KIR3DL1: variants seen among roughly 807,000 people sequenced by gnomAD.
KIR3DL1 encodes killer cell immunoglobulin like receptor, three Ig domains and long cytoplasmic tail 1, also known as killer cell immunoglobulin-like receptor 3DL1.
In KIR3DL1, 50 loss-of-function variants were observed where a neutral mutation model predicts 40.3. The ratio of observed to expected loss-of-function variants is 1.24; its 90% CI spans 0.99 to 1.57. KIR3DL1 has a LOEUF of 1.57. KIR3DL1 is among the 40% of genes most tolerant of loss of function. The pLI is 0.00. For synonymous variants in KIR3DL1, 257 were observed against 207.2 expected (o/e 1.24, Z -2.07); for missense variants, 661 against 559.9 (o/e 1.18, Z -1.82).
rs112685042 is a variant in KIR3DL1 at position 54,830,335 on chromosome 19, G to A, written c.*60G>A. The A allele has an allele frequency of 2.9e-3, 4,225 of 1,472,266 alleles. 407 individuals carry two copies. The African/African-American group carries it at 0.051, about 18-fold the overall frequency. The allele number at this position is 1,472,266 out of a possible 1,614,324, so 91.2% of individuals were successfully genotyped here. On this transcript the variant is annotated 3_prime_UTR_variant, in exon 9 of 9. Transcript: ENST00000391728. Reference sequence around the variant, plus strand: ...GAGACAACAGCCCTGTCTCAAAACCGAGTTGCCAGCTCCCATGTACCAGCA... The same window carrying A: ...GAGACAACAGCCCTGTCTCAAAACCAAGTTGCCAGCTCCCATGTACCAGCA...
intron 6 of KIR3DL1, among the ~76,000 whole-genome samples, chr19:54,826,746 G>T (rs1191698678): frequency 6.6e-6 from 1 of 150,954 alleles, no homozygotes; most frequent in Non-Finnish European, 1.5e-5. Flanking sequence ...TTGGCGGAAG[G>T]ATTTTCCACA....
chr19:54,819,946 G>A lies in KIR3DL1; in HGVS notation c.589G>A (p.Gly197Ser), dbSNP rs374824552. ...CCTTGCAGGGACCTACAGATGCTAC[G>A]GTTCTGTTACTCACACCCCCTATCA... The change falls in exon 4 of 9, where the codon GGT (glycine) becomes AGT (serine). Residue 197 changes from glycine (G) to serine (S), a missense_variant. Physicochemically the swap from Gly to Ser is moderately conservative, Grantham distance 56. This residue lies in a region of KIR3DL1 where 548 missense variants were observed against 413.3 expected (regional missense o/e 1.33). Transcript: ENST00000391728. 5.6e-6 allele frequency: 9 copies of A among 1,611,854 alleles called. No homozygotes were observed. The highest frequency in any genetic ancestry group is 5.4e-5 in the African/African-American group (4 of 74,330).
intron 3 of KIR3DL1, 119 bp downstream of exon 3, chr19:54,818,718 G>A: frequency 2.2e-6 from 3 of 1,342,788 alleles, no homozygotes; most frequent in Admixed American, 4.6e-5. Flanking sequence ...GGTCAAGGGA[G>A]ATTGAATACA....
chr19:54,819,550 G>A lies in KIR3DL1; in HGVS notation c.356-163G>A, dbSNP rs757708246. ...GGGACAGAGAAGAGGGAGGAAGACA[G>A]ATGGAGGCACCTGCACCAGGGGATA... is the stretch of plus-strand genomic sequence containing the variant. On this transcript the variant is annotated intron_variant, in intron 3 of 8. Coordinates refer to ENST00000391728, the Ensembl canonical transcript of KIR3DL1. 3.5e-4 allele frequency among the ~76,000 whole-genome samples: 53 copies of A among 151,384 alleles called. 1 individual carries two copies. Among genetic ancestry groups the A allele is most frequent in the Non-Finnish European group, 6.6e-4 (45 of 67,942 alleles).
Position 54,819,844 on chromosome 19 carries a change from G to A in KIR3DL1, c.487G>A (p.Asp163Asn), listed in dbSNP as rs62124101. ...TCTGCACAAAGAGGGGATCTCTAAG[G>A]ACCCCTCACGCCTCGTTGGACAGAT... Residue 163 changes from aspartate (D) to asparagine (N), a missense_variant, in exon 4 of 9, where the codon GAC (aspartate) becomes AAC (asparagine). Asp to Asn is a conservative substitution (Grantham distance 23). Coordinates refer to ENST00000391728, the Ensembl canonical transcript of KIR3DL1. 10,562 of 1,611,838 alleles carry A rather than the reference G, an allele frequency of 6.6e-3. 175 individuals are homozygous for A. Among genetic ancestry groups the A allele is most frequent in the Non-Finnish European group, 8.1e-3 (9,538 of 1,179,266 alleles).
intron 6 of KIR3DL1, 26 bp from the exon 7 acceptor site, chr19:54,829,335 C>G: frequency 1.4e-6 from 2 of 1,423,620 alleles, no homozygotes; most frequent in Non-Finnish European, 1.9e-6. Flanking sequence ...TGATTAGCTT[C>G]TTACTGGTGT....
intron 7 of KIR3DL1, 73 bp from the exon 8 acceptor site, chr19:54,829,855 G>C: frequency 7.2e-7 from 1 of 1,384,736 alleles, no homozygotes; most frequent in Non-Finnish European, 9.9e-7. Flanking sequence ...CCCCCTGTTT[G>C]TTGGTATCTG....
At chr19:54,821,474 A>G in intron 4 of KIR3DL1, 91 bp from the exon 5 acceptor site, 2 of 1,419,732 alleles carry the variant, frequency 1.4e-6, no homozygotes, top group Non-Finnish European at 9.6e-7. Context: ...GCATTAGGTC[A>G]TAGAGCAGGG....
At chr19:54,824,048 C>T (rs1371466115) in intron 5 of KIR3DL1, among the ~76,000 whole-genome samples, 4 of 151,204 alleles carry the variant, frequency 2.6e-5, no homozygotes, top group African/African-American at 9.8e-5. Flanking sequence ...TGTCGGTTGT[C>T]TCTTCACTTT....
Position 54,820,020 on chromosome 19 carries a change from T to A in KIR3DL1, c.655+8T>A, listed in dbSNP as rs1158503128. 54 of 1,607,440 alleles carry A rather than the reference T, an allele frequency of 3.4e-5. 1 individual carries two copies. Among genetic ancestry groups the A allele is most frequent in the Non-Finnish European group, 4.4e-5 (52 of 1,176,758 alleles). On this transcript the variant is annotated splice_region_variant and intron_variant, in intron 4 of 8. Coordinates refer to ENST00000391728, the Ensembl canonical transcript of KIR3DL1. ...TGGACATCGTGGTCACAGGTGAGAG[T>A]GTCTAGACATTGTTCTCATTGTCAC... is the stretch of plus-strand genomic sequence containing the variant.
intron 6 of KIR3DL1, among the ~76,000 whole-genome samples, chr19:54,828,715 G>A (rs570929855): frequency 6.7e-6 from 1 of 148,666 alleles, no homozygotes; most frequent in African/African-American, 2.5e-5. Flanking sequence ...CCTGATCTCA[G>A]GACTTTGCTG....
In KIR3DL1 at chr19:54,829,987, G is replaced by C. The variant is rs1386142622; in HGVS notation, c.1158+7G>C. On this transcript the variant is annotated splice_region_variant and intron_variant, in intron 8 of 8. Coordinates refer to ENST00000391728, the Ensembl canonical transcript of KIR3DL1. Reference sequence around the variant, plus strand: ...CAGAACAGCCAACAGCGAGGTAGGTGCTCCTCGGCCCAGCCTCGTGGCTAG... The same window carrying C: ...CAGAACAGCCAACAGCGAGGTAGGTCCTCCTCGGCCCAGCCTCGTGGCTAG... The C allele has an allele frequency of 6.5e-7, 1 of 1,528,072 alleles. No homozygotes were observed. The highest frequency in any genetic ancestry group is 8.9e-7 in the Non-Finnish European group (1 of 1,124,922). 94.7% of individuals were successfully genotyped at this position (1,528,072 alleles called of 1,614,324 possible). A position where few individuals can be genotyped will look rare whatever the true frequency, so the allele number is the denominator to read the frequency against.
Position 54,821,879 on chromosome 19 carries a change from T to C in KIR3DL1, c.949+21T>C. 4 of 1,593,340 alleles carry C rather than the reference T, an allele frequency of 2.5e-6. No individual in the cohort carries two copies. The South Asian group carries it at 3.3e-5, about 13-fold the overall frequency. Reference sequence around the variant, plus strand: ...CACAGGTGAGAAAAGCCCATATCTCTCTCATGTCCTATGATCCTAAATCCT... The same window carrying C: ...CACAGGTGAGAAAAGCCCATATCTCCCTCATGTCCTATGATCCTAAATCCT... On this transcript the variant is annotated intron_variant, in intron 5 of 8. Transcript: ENST00000391728.
chr19:54,830,052 C>A lies in KIR3DL1; in HGVS notation c.1159-47C>A. 2 of 1,520,662 alleles carry A rather than the reference C, an allele frequency of 1.3e-6. 1 individual carries two copies. The highest frequency in any genetic ancestry group is 1.8e-6 in the Non-Finnish European group (2 of 1,120,544). The allele number at this position is 1,520,662 out of a possible 1,614,324, so 94.2% of individuals were successfully genotyped here. On this transcript the variant is annotated intron_variant, in intron 8 of 8. Transcript: ENST00000391728. Reference sequence around the variant, plus strand: ...AGTCCTGGAAAACGTGAGCACCCTCCCTCACTCAGCATTTCCCTCCCTCAC... The same window carrying A: ...AGTCCTGGAAAACGTGAGCACCCTCACTCACTCAGCATTTCCCTCCCTCAC...
intron 6 of KIR3DL1, 49 bp from the exon 7 acceptor site, chr19:54,829,312 A>C: frequency 1.7e-5 from 23 of 1,342,946 alleles, no homozygotes; most frequent in Non-Finnish European, 2.2e-5. Context: ...CAATTCATAT[A>C]GAGAAACTGC....
At chr19:54,819,190 G>A (rs1164524035) in intron 3 of KIR3DL1, among the ~76,000 whole-genome samples, 3 of 150,430 alleles carry the variant, frequency 2.0e-5, no homozygotes, top group Non-Finnish European at 3.0e-5. Context: ...GTTCTCTCCC[G>A]CTGCCATGTT....
chr19:54,820,112 A>T (rs2061562385), intron 4 of KIR3DL1, 100 bp downstream of exon 4: 2 of 1,293,190 alleles, frequency 1.5e-6, no homozygotes, highest in Non-Finnish European at 2.2e-6. Context: ...TAAGTGTGGG[A>T]TTCTTATGGA....
At chr19:54,821,128 G>A (rs1446616789) in intron 4 of KIR3DL1, among the ~76,000 whole-genome samples, 9 of 150,120 alleles carry the variant, frequency 6.0e-5, no homozygotes, top group Admixed American at 5.3e-4. Flanking sequence ...ATAGATGATT[G>A]ATGGATAGAT....
intron 3 of KIR3DL1, 76 bp downstream of exon 3, chr19:54,818,675 G>C (rs1409250457): frequency 6.5e-7 from 1 of 1,542,690 alleles, no homozygotes; most frequent in African/African-American, 1.4e-5. Flanking sequence ...GTGTCCGTCA[G>C]GGTCCCATCA....
Sources: gnomAD v4.1 joint callset for allele counts (sites outside exome capture counted in the v4.1 genomes callset) on GRCh38, gnomAD v4.1.1 for gene constraint, gnomAD v4.1.1 regional missense constraint, MANE v1.5 for transcripts, NCBI Gene and HGNC (gene_info 2026-07-23, HGNC 2026-07-21) for gene names.